HTR3B: variants seen among roughly 807,000 people sequenced by gnomAD.
HTR3B encodes 5-hydroxytryptamine (serotonin) receptor 3B, ionotropic.
HTR3B carries 44 observed loss-of-function variants against 42.8 expected under a neutral mutation model. That is an observed-to-expected ratio of 1.03 (90% confidence interval 0.81 to 1.32). HTR3B has a LOEUF of 1.32. Ranked by LOEUF, HTR3B falls within the 40% of genes most tolerant of loss-of-function variation. HTR3B has a pLI of 0.00. For missense variants in HTR3B, 527 were observed against 536.5 expected (o/e 0.98, Z 0.17); for synonymous variants, 203 against 209.0 (o/e 0.97, Z 0.25).
intron 1 of HTR3B, among the ~76,000 whole-genome samples, chr11:113,906,415 A>G (rs575721725): frequency 2.6e-5 from 4 of 152,286 alleles, no homozygotes; most frequent in African/African-American, 9.6e-5. Context: ...AATCTCTTAG[A>G]GACTCAGTTT....
rs780915683 is a variant in HTR3B at position 113,933,043 on chromosome 11, T to G, written c.646T>G (p.Tyr216Asp). Residue 216 changes from tyrosine to aspartate, a missense_variant, in exon 6 of 9, where the codon TAC becomes GAC. Physicochemically the swap from Tyr to Asp is radical, Grantham distance 160. Coordinates refer to ENST00000260191, the MANE Select transcript of HTR3B (RefSeq NM_006028.5). ...EWELLSVSST[Y>D]SILQSSAGGF... Reference sequence around the variant, plus strand: ...GGAACTTCTATCTGTGTCCTCCACATACAGCATCCTGCAGAGCAGCGCTGG... The same window carrying G: ...GGAACTTCTATCTGTGTCCTCCACAGACAGCATCCTGCAGAGCAGCGCTGG... 6.2e-6 allele frequency: 10 copies of G among 1,614,074 alleles called. No individual in the cohort carries two copies. In the South Asian group the frequency reaches 9.9e-5, roughly 16 times the overall value.
chr11:113,909,119 C>T, intron 1 of HTR3B, 176 bp from the exon 2 acceptor site: 2 of 615,474 alleles, frequency 3.2e-6, no homozygotes, highest in Non-Finnish European at 5.7e-6. Context: ...CTTAGGCCAT[C>T]AGCTTACTTT....
rs1324043835 is a variant in HTR3B, at chr11:113,945,943, C to G, written c.1132C>G (p.Leu378Val). 6.2e-7 allele frequency: 1 copy of G among 1,614,180 alleles called. No individual in the cohort carries two copies. The highest frequency in any genetic ancestry group is 2.2e-5 in the East Asian group (1 of 44,876). Residue 378 changes from leucine to valine, a missense_variant, in exon 9 of 9, where the codon CTG becomes GTG. By Grantham distance (32) the Leu-to-Val change is conservative. Coordinates refer to ENST00000260191, the MANE Select transcript of HTR3B (RefSeq NM_006028.5). ...YGEHLAQPGT[L>V]KEVWSQLQSI... ...AGAGCACCTGGCCCAGCCAGGAACC[C>G]TGAAGGAAGTCTGGTCGCAGCTTCA...
At chr11:113,941,703 G>A (rs1379119401) in intron 6 of HTR3B, among the ~76,000 whole-genome samples, 1 of 152,156 alleles carries the variant, frequency 6.6e-6, no homozygotes, top group African/African-American at 2.4e-5. Flanking sequence ...TGGGAGGAGG[G>A]AGGAGGGCCG....
intron 8 of HTR3B, 40 bp downstream of exon 8, chr11:113,944,795 A>T: frequency 6.3e-7 from 1 of 1,588,860 alleles, no homozygotes; most frequent in South Asian, 1.1e-5. Flanking sequence ...GTCTGGATTG[A>T]TCACCTTAAA....
At position 113,943,165 on chromosome 11, in the gene HTR3B, C is replaced by T. The variant is rs544377745; in HGVS notation, c.880C>T (p.Arg294Trp). ...GGTCAACATGTCCAACCAGGTGCCA[C>T]GGAGTGTAGGGAGCACCCCTCTGAT... Reference protein sequence around the residue: ...FRVNMSNQVPRSVGSTPLIGH... With the variant: ...FRVNMSNQVPWSVGSTPLIGH... The change falls in exon 7 of 9, where the codon CGG becomes TGG. Residue 294 changes from arginine (R) to tryptophan (W), a missense_variant. Coordinates refer to ENST00000260191, the MANE Select transcript of HTR3B (RefSeq NM_006028.5). The T allele has an allele frequency of 6.2e-6, 10 of 1,613,942 alleles. No individual in the cohort carries two copies. The highest frequency in any genetic ancestry group is 2.2e-5 in the South Asian group (2 of 91,050).
Position 113,904,990 on chromosome 11 carries a change from G to A in HTR3B, c.52+5G>A. 3 of 1,604,482 alleles carry A rather than the reference G, an allele frequency of 1.9e-6. No individual in the cohort carries two copies. The highest frequency in any genetic ancestry group is 2.6e-6 in the Non-Finnish European group (3 of 1,171,504). ...CCTGCATCCTGGTGGCTGCAGGTGA[G>A]TCCTTTTAATAATTTTACTAGGCAT... On this transcript the variant is annotated splice_donor_5th_base_variant and intron_variant, in intron 1 of 8. Transcript: ENST00000260191.
intron 2 of HTR3B, among the ~76,000 whole-genome samples, chr11:113,918,598 G>T: frequency 1.4e-5 from 2 of 140,776 alleles, no homozygotes; most frequent in South Asian, 2.3e-4. Context: ...ATTTCTTTTT[G>T]TTGCTGAATA....
chr11:113,943,636 G>A (rs1002331792), intron 7 of HTR3B, among the ~76,000 whole-genome samples: 8 of 151,794 alleles, frequency 5.3e-5, no homozygotes, highest in Non-Finnish European at 1.2e-4. Context: ...GTGCCTGGCC[G>A]CTTTGTTTGT....
rs903811617 is a variant in HTR3B at position 113,947,961 on chromosome 11, C to T, written c.*1824C>T. Among the ~76,000 whole-genome samples the T allele has an allele frequency of 3.3e-5, 5 of 152,108 alleles. No homozygotes were observed. Among genetic ancestry groups the T allele is most frequent in the Non-Finnish European group, 5.9e-5 (4 of 68,024 alleles). On this transcript the variant is annotated 3_prime_UTR_variant, in exon 9 of 9. Transcript: ENST00000260191. ...AAACTTTTTCCAGCACTAAAATTGC[C>T]TTTAGAAAAATCTGCCCCCCTCCAT...
chr11:113,931,535 A>C, intron 3 of HTR3B, 107 bp downstream of exon 3: 1 of 778,176 alleles, frequency 1.3e-6, no homozygotes, highest in Non-Finnish European at 2.1e-6. Context: ...ATAGTTTCTT[A>C]GATCTGCAGC....
intron 2 of HTR3B, among the ~76,000 whole-genome samples, chr11:113,925,742 G>GA (rs964663399): frequency 8.6e-5 from 13 of 151,566 alleles, no homozygotes; most frequent in Middle Eastern, 3.4e-3. Context: ...GGAAAGAAAT[G>GA]AAAAAAAATG....
intron 2 of HTR3B, among the ~76,000 whole-genome samples, chr11:113,926,667 A>G (rs958741668): frequency 6.6e-6 from 1 of 151,952 alleles, no homozygotes; most frequent in Non-Finnish European, 1.5e-5. Context: ...AGCTGGGATC[A>G]CAGGTGTGCG....
chr11:113,911,315 C>T (rs1031135828), intron 2 of HTR3B, among the ~76,000 whole-genome samples: 3 of 152,064 alleles, frequency 2.0e-5, no homozygotes, highest in Non-Finnish European at 4.4e-5. Context: ...ACTGCAACCT[C>T]TGCCTCCCGG....
At position 113,931,747 on chromosome 11, in the gene HTR3B, A is replaced by G; in HGVS notation, c.259-11A>G. 6 of 1,515,914 alleles carry G rather than the reference A, an allele frequency of 4.0e-6. No individual in the cohort carries two copies. Among genetic ancestry groups the G allele is most frequent in the Non-Finnish European group, 5.5e-6 (6 of 1,091,032 alleles). 93.9% of individuals were successfully genotyped at this position (1,515,914 alleles called of 1,614,324 possible). A position where few individuals can be genotyped will look rare whatever the true frequency, so the allele number is the denominator to read the frequency against. On this transcript the variant is annotated splice_polypyrimidine_tract_variant and intron_variant, in intron 3 of 8. Coordinates refer to ENST00000260191, the MANE Select transcript of HTR3B (RefSeq NM_006028.5). Reference sequence around the variant, plus strand: ...ATTTTGATAAGTTTTCTTTTTGGCTACTACTAACAGGTCTGGAATGATGAA... The same window carrying G: ...ATTTTGATAAGTTTTCTTTTTGGCTGCTACTAACAGGTCTGGAATGATGAA...
chr11:113,903,679 C>A (rs1018856519), upstream of HTR3B, among the ~76,000 whole-genome samples: 1 of 152,086 alleles, frequency 6.6e-6, no homozygotes, highest in Non-Finnish European at 1.5e-5. Flanking sequence ...CCACTGGCCT[C>A]GGCCTCCCAA....
intron 5 of HTR3B, 109 bp from the exon 6 acceptor site, chr11:113,932,827 C>A: frequency 9.3e-7 from 1 of 1,078,080 alleles, no homozygotes; most frequent in Non-Finnish European, 1.4e-6. Flanking sequence ...GGAGACTGTG[C>A]CTATGGGGGC....
At chr11:113,942,230 C>G (rs1341767494) in intron 6 of HTR3B, among the ~76,000 whole-genome samples, 1 of 152,058 alleles carries the variant, frequency 6.6e-6, no homozygotes, top group African/African-American at 2.4e-5. Flanking sequence ...GAGCCGAGGT[C>G]GCACCACTGC....
chr11:113,932,500 A>T (rs1205128096), intron 5 of HTR3B, 42 bp downstream of exon 5: 2 of 1,443,644 alleles, frequency 1.4e-6, no homozygotes, highest in African/African-American at 2.8e-5. Flanking sequence ...GTTGGTGCAC[A>T]TAGGTGAAAT....
Sources: gnomAD v4.1 joint callset for allele counts (sites outside exome capture counted in the v4.1 genomes callset) on GRCh38, gnomAD v4.1.1 for gene constraint, MANE v1.5 for transcripts, NCBI Gene and HGNC (gene_info 2026-07-23, HGNC 2026-07-21) for gene names.